Variants in MXI1 observed in about 807,000 individuals in gnomAD.
MXI1 encodes max-interacting protein 1.
A neutral mutation model predicts 36.9 loss-of-function variants in MXI1; 18 were observed. The ratio of observed to expected loss-of-function variants is 0.49; its 90% CI spans 0.34 to 0.72. The LOEUF is 0.72. Ranked by LOEUF, MXI1 falls within the 30% of genes least tolerant of loss-of-function variation. The pLI is 0.01. For synonymous variants in MXI1, 160 were observed against 146.7 expected, an observed-to-expected ratio of 1.09 and a Z score of -0.65; for missense variants, 304 against 379.1, an observed-to-expected ratio of 0.80 and a Z score of 1.64.
At chr10:110,226,304 C>T in intron 1 of MXI1, 3 of 1,488,224 alleles carry the variant, frequency 2.0e-6, no homozygotes, top group Admixed American at 2.2e-5. Flanking sequence ...GGCGCCGCTG[C>T]GTGAGCCCGA....
intron 3 of MXI1, among the ~76,000 whole-genome samples, chr10:110,246,971 G>C (rs1303760595): frequency 6.6e-6 from 1 of 151,968 alleles, no homozygotes; most frequent in African/African-American, 2.4e-5. Flanking sequence ...AGTATGTTTT[G>C]GGCCCATGGA....
chr10:110,212,935 A>G (rs911068179), intron 1 of MXI1, among the ~76,000 whole-genome samples: 3 of 152,232 alleles, frequency 2.0e-5, no homozygotes, highest in African/African-American at 7.2e-5. Context: ...TATTCAATGC[A>G]TGTTACCCAT....
chr10:110,226,335 C>A, intron 1 of MXI1: 1 of 1,434,660 alleles, frequency 7.0e-7, no homozygotes, highest in Non-Finnish European at 9.2e-7. Context: ...TCTTTTTCGG[C>A]AGTGCGGTGC....
intron 2 of MXI1, among the ~76,000 whole-genome samples, chr10:110,236,472 T>C (rs973665017): frequency 1.3e-5 from 2 of 152,182 alleles, no homozygotes; most frequent in Non-Finnish European, 2.9e-5. Context: ...ATTTATTTTT[T>C]TGAGACAGGG....
chr10:110,234,074 A>T (rs1855371076), intron 2 of MXI1, among the ~76,000 whole-genome samples: 1 of 152,184 alleles, frequency 6.6e-6, no homozygotes, highest in South Asian at 2.1e-4. Flanking sequence ...AGAGATGGTG[A>T]TTGCTTAAGC....
intron 1 of MXI1, among the ~76,000 whole-genome samples, chr10:110,222,849 G>C (rs1370499502): frequency 6.6e-6 from 1 of 152,230 alleles, no homozygotes. Flanking sequence ...CCTGTGGATA[G>C]AGCCCTAAGC....
intron 3 of MXI1, among the ~76,000 whole-genome samples, chr10:110,249,692 A>ACC (rs1856002880): frequency 1.3e-5 from 2 of 152,148 alleles, no homozygotes; most frequent in Admixed American, 6.5e-5. Context: ...GGAAGAAAAT[A>ACC]CCAAAGTACA....
At chr10:110,241,104 G>A (rs1855654354) in intron 2 of MXI1, among the ~76,000 whole-genome samples, 1 of 151,902 alleles carries the variant, frequency 6.6e-6, no homozygotes, top group Non-Finnish European at 1.5e-5. Flanking sequence ...ATCTGGTTAA[G>A]GTAGTCACAT....
intron 3 of MXI1, among the ~76,000 whole-genome samples, chr10:110,256,137 C>T (rs1230539029): frequency 1.3e-5 from 2 of 152,094 alleles, no homozygotes; most frequent in Non-Finnish European, 2.9e-5. Flanking sequence ...CTACCTCACA[C>T]CATACACAAA....
Position 110,254,588 on chromosome 10 carries a change from A to T in MXI1, c.437+9731A>T, listed in dbSNP as rs372769582. ...ACTGAAAGCTAGATCTCTTGTGCCA[A>T]ATAGCCAAATTGTGAATGCAAAGGG... is the stretch of plus-strand genomic sequence containing the variant. On this transcript the variant is annotated intron_variant, in intron 3 of 5. Coordinates refer to ENST00000332674, the MANE Select transcript of MXI1 (RefSeq NM_130439.3). Among the ~76,000 whole-genome samples, 12 of 152,314 alleles carry T rather than the reference A, an allele frequency of 7.9e-5. No individual in the cohort carries two copies. In the South Asian group the frequency reaches 1.0e-3, roughly 13 times the overall value.
At chr10:110,267,714 T>A (rs1221185664) in intron 3 of MXI1, among the ~76,000 whole-genome samples, 1 of 152,174 alleles carries the variant, frequency 6.6e-6, no homozygotes, top group Non-Finnish European at 1.5e-5. Context: ...GGAAAAGAAT[T>A]TTTCTTAAAG....
At chr10:110,239,449 T>C (rs1855588387) in intron 2 of MXI1, among the ~76,000 whole-genome samples, 1 of 152,230 alleles carries the variant, frequency 6.6e-6, no homozygotes. Flanking sequence ...TCAACAACTT[T>C]TGATATGTTG....
chr10:110,253,393 C>T (rs1453172852), intron 3 of MXI1, among the ~76,000 whole-genome samples: 1 of 151,956 alleles, frequency 6.6e-6, no homozygotes, highest in Non-Finnish European at 1.5e-5. Context: ...AGTGTTTTCT[C>T]TTGGTACATC....
At chr10:110,276,527 T>C (rs978730674) in intron 3 of MXI1, among the ~76,000 whole-genome samples, 5 of 152,344 alleles carry the variant, frequency 3.3e-5, no homozygotes, top group East Asian at 1.9e-4. Flanking sequence ...GTCCTTGATA[T>C]CTGTATGACT....
At chr10:110,235,437 C>T (rs867111345) in intron 2 of MXI1, among the ~76,000 whole-genome samples, 39 of 152,126 alleles carry the variant, frequency 2.6e-4, no homozygotes, top group South Asian at 1.9e-3. Flanking sequence ...CCTGTAATCT[C>T]AGCACTTTGG....
intron 1 of MXI1, among the ~76,000 whole-genome samples, chr10:110,221,006 A>C (rs1854789839): frequency 6.6e-6 from 1 of 152,250 alleles, no homozygotes; most frequent in South Asian, 2.1e-4. Context: ...ACTTCGGCAC[A>C]ACAAAGATTG....
At chr10:110,277,849 T>G (rs1857091622) in intron 3 of MXI1, among the ~76,000 whole-genome samples, 1 of 152,230 alleles carries the variant, frequency 6.6e-6, no homozygotes, top group Non-Finnish European at 1.5e-5. Context: ...ATGACATAAT[T>G]GGCTGCTTAT....
At chr10:110,252,553 C>T (rs192264532) in intron 3 of MXI1, among the ~76,000 whole-genome samples, 281 of 152,192 alleles carry the variant, frequency 1.8e-3, no homozygotes, top group African/African-American at 5.9e-3. Flanking sequence ...TAATAATCAC[C>T]TCCTGGTCAC....
chr10:110,226,232 A>T (rs750215295), intron 1 of MXI1: 2 of 1,497,534 alleles, frequency 1.3e-6, no homozygotes, highest in African/African-American at 1.4e-5. Context: ...GAAGATGATC[A>T]ACGTGCAGCG....
Sources: gnomAD v4.1 joint callset for allele counts (sites outside exome capture counted in the v4.1 genomes callset) on GRCh38, gnomAD v4.1.1 for gene constraint, MANE v1.5 for transcripts, NCBI Gene and HGNC (gene_info 2026-07-23, HGNC 2026-07-21) for gene names.